Variants in ANO4 observed in about 807,000 individuals in gnomAD.
The protein encoded by ANO4 is anoctamin 4.
ANO4 carries 69 observed loss-of-function variants against 141.9 expected under a neutral mutation model. The ratio of observed to expected loss-of-function variants is 0.49; its 90% confidence interval spans 0.40 to 0.59. The LOEUF is 0.59. ANO4 is among the 20% of genes least tolerant of loss of function. ANO4 has a pLI of 0.00. For missense variants in ANO4, 894 were observed against 1,162.2 expected, an observed-to-expected ratio of 0.77 and a Z score of 3.36; for synonymous variants, 350 against 394.3, an observed-to-expected ratio of 0.89 and a Z score of 1.33.
At chr12:101,108,198 A>G (rs2050523691) in intron 22 of ANO4, among the ~76,000 whole-genome samples, 1 of 152,144 alleles carries the variant, frequency 6.6e-6, no homozygotes, top group Non-Finnish European at 1.5e-5. Flanking sequence ...GGACTTACCA[A>G]GGAAAGAGAG....
chr12:100,923,617 A>G (rs1566015292), intron 3 of ANO4, among the ~76,000 whole-genome samples: 1 of 152,158 alleles, frequency 6.6e-6, no homozygotes, highest in Non-Finnish European at 1.5e-5. Flanking sequence ...GTGTCTTTAT[A>G]GTAGCATGAT....
intron 1 of ANO4, among the ~76,000 whole-genome samples, chr12:100,883,217 A>C (rs917818545): frequency 1.3e-5 from 2 of 152,254 alleles, no homozygotes; most frequent in African/African-American, 2.4e-5. Context: ...AGTTTACTTC[A>C]GTAGCTCCAA....
At chr12:100,920,901 G>T (rs2041600669) in intron 2 of ANO4, among the ~76,000 whole-genome samples, 1 of 152,074 alleles carries the variant, frequency 6.6e-6, no homozygotes, top group African/African-American at 2.4e-5. Flanking sequence ...GACAACTAAG[G>T]TTTTTGTGCA....
intron 1 of ANO4, among the ~76,000 whole-genome samples, chr12:100,846,314 A>T (rs2037556974): frequency 6.6e-6 from 1 of 152,174 alleles, no homozygotes; most frequent in South Asian, 2.1e-4. Context: ...TTTTCAACAA[A>T]TTATTTGGAT....
chr12:100,809,859 C>T (rs1171465470), intron 1 of ANO4, among the ~76,000 whole-genome samples: 1 of 152,076 alleles, frequency 6.6e-6, no homozygotes, highest in Non-Finnish European at 1.5e-5. Context: ...TAACAGTGGG[C>T]CCAGTTAGAG....
At chr12:100,754,357 C>T (rs1208453192) in intron 3 of ANO4, among the ~76,000 whole-genome samples, 2 of 138,032 alleles carry the variant, frequency 1.4e-5, no homozygotes, top group East Asian at 2.1e-4. Context: ...TACTTTCTTG[C>T]CGGGGCAGGG....
At chr12:100,976,906 GA>G (rs1234528991) in intron 7 of ANO4, among the ~76,000 whole-genome samples, 1 of 152,184 alleles carries the variant, frequency 6.6e-6, no homozygotes, top group Non-Finnish European at 1.5e-5. Context: ...AGGGTTGGGA[GA>G]AGTCTTATTC....
chr12:100,952,026 T>C (rs73375024), intron 5 of ANO4, among the ~76,000 whole-genome samples: 3,233 of 152,226 alleles, frequency 0.021, 105 homozygotes, highest in African/African-American at 0.074. Flanking sequence ...TAGCTGAGAA[T>C]CCCTGGGTTT....
At chr12:100,876,193 A>G (rs2039292803) in intron 1 of ANO4, among the ~76,000 whole-genome samples, 1 of 151,040 alleles carries the variant, frequency 6.6e-6, no homozygotes, top group African/African-American at 2.4e-5. Context: ...GGCAGTGGAA[A>G]CTTGTAAGTG....
At chr12:101,064,255 C>T (rs1357393922) in intron 14 of ANO4, among the ~76,000 whole-genome samples, 1 of 152,100 alleles carries the variant, frequency 6.6e-6, no homozygotes, top group Non-Finnish European at 1.5e-5. Flanking sequence ...GTGAGTTCTT[C>T]TGTGATCTGT....
intron 3 of ANO4, among the ~76,000 whole-genome samples, chr12:100,937,395 T>C (rs950437567): frequency 6.4e-4 from 98 of 152,292 alleles, no homozygotes; most frequent in African/African-American, 2.2e-3. Flanking sequence ...AGGACAACAA[T>C]TATGGGAGGG....
intron 2 of ANO4, among the ~76,000 whole-genome samples, chr12:100,912,724 T>C (rs1490827268): frequency 6.6e-6 from 1 of 152,200 alleles, no homozygotes; most frequent in Non-Finnish European, 1.5e-5. Context: ...GCTGTTCTCT[T>C]GAACAGAACT....
chr12:101,115,482 T>C (rs758787310), intron 24 of ANO4, among the ~76,000 whole-genome samples: 8 of 152,080 alleles, frequency 5.3e-5, no homozygotes, highest in African/African-American at 1.2e-4. Context: ...TAAGAAGTTA[T>C]ATAACGTGCC....
intron 14 of ANO4, among the ~76,000 whole-genome samples, chr12:101,062,766 A>G (rs1339661894): frequency 1.3e-5 from 2 of 152,196 alleles, no homozygotes; most frequent in African/African-American, 4.8e-5. Flanking sequence ...GGTCAACTTC[A>G]GACTGCTATG....
At chr12:100,814,469 C>T (rs2035616805) in intron 1 of ANO4, among the ~76,000 whole-genome samples, 1 of 144,006 alleles carries the variant, frequency 6.9e-6, no homozygotes. Flanking sequence ...ACAAGAGGGG[C>T]AGGGCCAGAA....
intron 8 of ANO4, among the ~76,000 whole-genome samples, chr12:101,003,916 T>A (rs1217951432): frequency 2.6e-5 from 4 of 152,116 alleles, no homozygotes; most frequent in Admixed American, 6.6e-5. Flanking sequence ...GAAATCACAC[T>A]TGAAACTGGA....
intron 2 of ANO4, among the ~76,000 whole-genome samples, chr12:100,916,512 T>G (rs538566434): frequency 1.3e-5 from 2 of 152,284 alleles, no homozygotes; most frequent in African/African-American, 4.8e-5. Flanking sequence ...GGGATACAGT[T>G]TGATCCCAGG....
At chr12:100,829,012 T>G (rs1289058622) in intron 1 of ANO4, among the ~76,000 whole-genome samples, 1 of 144,560 alleles carries the variant, frequency 6.9e-6, no homozygotes, top group Non-Finnish European at 1.5e-5. Context: ...AGAGTGAGAC[T>G]CTGTCTTAAA....
At chr12:100,970,908 G>A (rs140356170) in intron 5 of ANO4, among the ~76,000 whole-genome samples, 11,597 of 152,032 alleles carry the variant, frequency 0.076, 702 homozygotes, top group African/African-American at 0.15. Context: ...TAGTAGAGAC[G>A]GGGTTTCACC....
Sources: allele counts gnomAD v4.1 joint callset (sites outside exome capture counted in the v4.1 genomes callset), GRCh38; gene constraint gnomAD v4.1.1; transcripts MANE v1.5; gene names NCBI Gene and HGNC (gene_info 2026-07-23, HGNC 2026-07-21).